The following PTPRK variants were observed in gnomAD, a reference collection of about 807,000 sequenced individuals.
PTPRK encodes protein tyrosine phosphatase receptor type K, also known as receptor-type tyrosine-protein phosphatase kappa.
In PTPRK, 75 loss-of-function variants were observed where a neutral mutation model predicts 178.0. The observed-to-expected ratio is 0.42, with a 90% CI of 0.35 to 0.51. The LOEUF is 0.51. PTPRK is among the 20% of genes least tolerant of loss of function. PTPRK has a pLI of 0.02. For synonymous variants in PTPRK, 637 were observed against 620.6 expected, an observed-to-expected ratio of 1.03 and a Z score of -0.39; for missense variants, 1,441 against 1,797.8, an observed-to-expected ratio of 0.80 and a Z score of 3.59.
At position 128,089,774 on chromosome 6, in the gene PTPRK, T is replaced by C. The variant is rs921484379; in HGVS notation, c.1381A>G (p.Thr461Ala). The C allele has an allele frequency of 1.2e-6, 2 of 1,613,444 alleles. No homozygotes were observed. The highest frequency in any genetic ancestry group is 1.7e-6 in the Non-Finnish European group (2 of 1,179,362). ...AGGATCATCTTGAGGCTGACATTTG[T>C]ATAAGGTGGCAGATGGTTCACAACA... ...QHVVNHLPPY[T>A]NVSLKMILTN... The change falls in exon 8 of 30, where the codon ACA becomes GCA. Residue 461 changes from threonine to alanine, a missense_variant. This residue lies in a region of PTPRK where 945 missense variants were observed against 1,080.6 expected (regional missense o/e 0.87). Transcript: ENST00000368226.
At position 128,508,382 on chromosome 6, in the gene PTPRK, A is replaced by T. The variant is rs1297859254; in HGVS notation, c.100+11877T>A. Reference sequence around the variant, plus strand: ...AACCTCATCAGGATCATGCTCTTAAAAACCAGGCAGAACAGCTTAGATGGC... The same window carrying T: ...AACCTCATCAGGATCATGCTCTTAATAACCAGGCAGAACAGCTTAGATGGC... On this transcript the variant is annotated intron_variant, in intron 1 of 29. Transcript: ENST00000368226. 1.3e-5 allele frequency among the ~76,000 whole-genome samples: 2 copies of T among 150,718 alleles called. 1 individual carries two copies. The highest frequency in any genetic ancestry group is 3.0e-5 in the Non-Finnish European group (2 of 66,958).
At chr6:127,990,927 A>T in intron 20 of PTPRK, 42 bp from the exon 21 acceptor site, 1 of 1,167,460 alleles carries the variant, frequency 8.6e-7, no homozygotes, top group Non-Finnish European at 1.3e-6. Context: ...TGAATATATA[A>T]TACTAATTAG....
intron 4 of PTPRK, among the ~76,000 whole-genome samples, chr6:128,241,599 A>G (rs1007285915): frequency 3.3e-5 from 5 of 152,182 alleles, no homozygotes; most frequent in Non-Finnish European, 7.3e-5. Context: ...AAATATAGGC[A>G]AAGTCTGAAT....
chr6:128,217,622 TA>T (rs1270420717), intron 6 of PTPRK, among the ~76,000 whole-genome samples: 1 of 152,208 alleles, frequency 6.6e-6, no homozygotes, highest in Non-Finnish European at 1.5e-5. Flanking sequence ...ATAATATATG[TA>T]AAAGATATTT....
chr6:128,002,474 G>A (rs893861495), intron 15 of PTPRK, among the ~76,000 whole-genome samples: 3 of 151,578 alleles, frequency 2.0e-5, no homozygotes, highest in East Asian at 3.9e-4. Context: ...CAAGGAACAG[G>A]GTACAAAGTG....
chr6:127,978,057 A>T (rs1282204890), intron 25 of PTPRK, among the ~76,000 whole-genome samples: 1 of 152,184 alleles, frequency 6.6e-6, no homozygotes, highest in African/African-American at 2.4e-5. Flanking sequence ...ACCATTTGGG[A>T]AATGCTACCA....
Position 128,326,638 on chromosome 6 carries a change from T to G in PTPRK, c.224-4328A>C, listed in dbSNP as rs560346563. 2.6e-5 allele frequency among the ~76,000 whole-genome samples: 4 copies of G among 152,262 alleles called. No individual in the cohort carries two copies. The South Asian group carries it at 8.3e-4, about 32-fold the overall frequency. ...ATGAAAAATACATATTTGTGTTAAATAATTATATCTGTGTAAATGTGTGTA... is the reference window on the plus strand; with the variant it reads ...ATGAAAAATACATATTTGTGTTAAAGAATTATATCTGTGTAAATGTGTGTA... On this transcript the variant is annotated intron_variant, in intron 2 of 29. Transcript: ENST00000368226.
intron 7 of PTPRK, among the ~76,000 whole-genome samples, chr6:128,180,445 C>T (rs369067821): frequency 3.2e-4 from 48 of 152,044 alleles, no homozygotes; most frequent in Non-Finnish European, 4.6e-4. Flanking sequence ...AAAGTAACAG[C>T]GAAATAATCA....
At chr6:128,255,343 C>A (rs555059920) in intron 3 of PTPRK, among the ~76,000 whole-genome samples, 1 of 152,088 alleles carries the variant, frequency 6.6e-6, no homozygotes, top group Non-Finnish European at 1.5e-5. Flanking sequence ...TCATTGAGAA[C>A]ACAATATGGG....
intron 13 of PTPRK, among the ~76,000 whole-genome samples, chr6:128,049,635 A>C (rs1270021307): frequency 6.6e-6 from 1 of 152,090 alleles, no homozygotes; most frequent in Non-Finnish European, 1.5e-5. Context: ...CTTTAAGTAA[A>C]TTTTAATATA....
At chr6:128,152,850 G>A (rs142470509) in intron 7 of PTPRK, among the ~76,000 whole-genome samples, 6 of 152,030 alleles carry the variant, frequency 3.9e-5, no homozygotes, top group African/African-American at 1.2e-4. Context: ...GACTCACAAA[G>A]GGGGAGCAAC....
At chr6:128,350,967 C>T (rs1048134302) in intron 2 of PTPRK, among the ~76,000 whole-genome samples, 4 of 152,164 alleles carry the variant, frequency 2.6e-5, no homozygotes, top group South Asian at 2.1e-4. Context: ...AATTTCTAAG[C>T]ACCTCTACAA....
chr6:128,433,602 G>A (rs1845123595), intron 1 of PTPRK, among the ~76,000 whole-genome samples: 2 of 151,702 alleles, frequency 1.3e-5, no homozygotes, highest in Non-Finnish European at 2.9e-5. Context: ...TGCAACCTCT[G>A]CCTCCCAGGC....
chr6:128,462,092 T>C (rs1315729316), intron 1 of PTPRK, among the ~76,000 whole-genome samples: 1 of 152,144 alleles, frequency 6.6e-6, no homozygotes, highest in Non-Finnish European at 1.5e-5. Context: ...GCCTCCCAAG[T>C]AGCCAAGGCT....
At chr6:128,395,710 C>A (rs1048265661) in intron 2 of PTPRK, among the ~76,000 whole-genome samples, 2 of 151,850 alleles carry the variant, frequency 1.3e-5, no homozygotes, top group Non-Finnish European at 2.9e-5. Context: ...TACAAATCTA[C>A]GCACAAAATT....
At chr6:128,365,380 A>G (rs1413547505) in intron 2 of PTPRK, among the ~76,000 whole-genome samples, 1 of 152,124 alleles carries the variant, frequency 6.6e-6, no homozygotes, top group East Asian at 1.9e-4. Flanking sequence ...TTGAGATTTG[A>G]TATCATTTGA....
intron 15 of PTPRK, chr6:128,001,150 T>C (rs906610969): frequency 7.1e-7 from 1 of 1,409,744 alleles, no homozygotes; most frequent in Non-Finnish European, 9.7e-7. Flanking sequence ...ACTTGAAATA[T>C]ATCCTTGATT....
At chr6:128,002,047 A>C (rs554556877) in intron 15 of PTPRK, among the ~76,000 whole-genome samples, 25 of 151,928 alleles carry the variant, frequency 1.6e-4, no homozygotes, top group African/African-American at 6.0e-4. Flanking sequence ...TTATTGGTGG[A>C]CATCAAAGGG....
At position 128,306,330 on chromosome 6, in the gene PTPRK, G is replaced by A. The variant is rs7765508; in HGVS notation, c.495+15709C>T. ...CTATTTGCCAGTTAGTGGAGCAATG[G>A]ATACAATGGAATGAGCTAATAAGTG... On this transcript the variant is annotated intron_variant, in intron 3 of 29. Transcript: ENST00000368226. 6.3e-3 allele frequency among the ~76,000 whole-genome samples: 962 copies of A among 152,252 alleles called. 12 individuals carry two copies. Among genetic ancestry groups the A allele is most frequent in the African/African-American group, 0.022 (920 of 41,540 alleles).
Sources: allele counts gnomAD v4.1 joint callset (sites outside exome capture counted in the v4.1 genomes callset), GRCh38; gene constraint gnomAD v4.1.1; regional missense constraint gnomAD v4.1.1; transcripts MANE v1.5; gene names NCBI Gene and HGNC (gene_info 2026-07-23, HGNC 2026-07-21).